Variants in COL25A1 observed in about 807,000 individuals in gnomAD.
COL25A1 encodes collagen alpha-1(XXV) chain.
Under a neutral mutation model 128.4 loss-of-function variants are expected in COL25A1, and 103 were observed. The observed-to-expected ratio is 0.80, with a 90% CI of 0.68 to 0.94. The LOEUF (loss-of-function observed/expected upper bound fraction) is 0.94. Ranked by LOEUF, COL25A1 falls within the 40% of genes least tolerant of loss-of-function variation. The pLI, the probability that COL25A1 is intolerant of heterozygous loss-of-function variation, is 0.00. For synonymous variants in COL25A1, 279 were observed against 277.2 expected, an observed-to-expected ratio of 1.01 and a Z score of -0.06; for missense variants, 745 against 840.0, an observed-to-expected ratio of 0.89 and a Z score of 1.40.
intron 3 of COL25A1, among the ~76,000 whole-genome samples, chr4:109,278,782 T>G (rs963183946): frequency 6.6e-6 from 1 of 152,250 alleles, no homozygotes; most frequent in African/African-American, 2.4e-5. Context: ...AAGAAAAGCT[T>G]CTTAGTCCTT....
intron 3 of COL25A1, among the ~76,000 whole-genome samples, chr4:109,290,258 AC>A (rs770029840): frequency 1.3e-5 from 2 of 152,042 alleles, no homozygotes; most frequent in Non-Finnish European, 2.9e-5. Flanking sequence ...AAATAAATGA[AC>A]CTTTTTTTTA....
chr4:109,131,513 A>G (rs1473546714), intron 3 of COL25A1, among the ~76,000 whole-genome samples: 2 of 152,202 alleles, frequency 1.3e-5, no homozygotes, highest in East Asian at 1.9e-4. Flanking sequence ...TTAACACCAC[A>G]TATTTCATAG....
intron 32 of COL25A1, among the ~76,000 whole-genome samples, chr4:108,830,078 A>G (rs1489408715): frequency 6.6e-6 from 1 of 152,228 alleles, no homozygotes; most frequent in Admixed American, 6.5e-5. Flanking sequence ...AGCCATTTTG[A>G]ATTTGTCACT....
intron 3 of COL25A1, among the ~76,000 whole-genome samples, chr4:109,293,672 A>G (rs1308693035): frequency 6.6e-6 from 1 of 152,178 alleles, no homozygotes; most frequent in Non-Finnish European, 1.5e-5. Flanking sequence ...CTTGGTATTC[A>G]TGACAAATAA....
At chr4:109,290,847 T>C (rs1233872514) in intron 3 of COL25A1, among the ~76,000 whole-genome samples, 4 of 152,146 alleles carry the variant, frequency 2.6e-5, no homozygotes, top group African/African-American at 9.7e-5. Context: ...CTGGGCCACA[T>C]GCAGCCTGCA....
At position 108,813,839 on chromosome 4, in the gene COL25A1, C is replaced by A. The variant is rs879862015; in HGVS notation, c.*88G>T. The A allele has an allele frequency of 8.8e-6, 9 of 1,026,204 alleles. No individual in the cohort carries two copies. The highest frequency in any genetic ancestry group is 1.0e-5 in the Non-Finnish European group (7 of 666,934). 63.6% of individuals were successfully genotyped at this position (1,026,204 alleles called of 1,614,324 possible). A position where few individuals can be genotyped will look rare whatever the true frequency, so the allele number is the denominator to read the frequency against. ...CAGCCCTATGTAAACATATCTCAGACTTGTAAAATCTGCAATTCAGTTTTC... is the reference window on the plus strand; with the variant it reads ...CAGCCCTATGTAAACATATCTCAGAATTGTAAAATCTGCAATTCAGTTTTC... On this transcript the variant is annotated 3_prime_UTR_variant, in exon 38 of 38. Transcript: ENST00000399132.
At chr4:108,997,751 C>A (rs1754917740) in intron 6 of COL25A1, among the ~76,000 whole-genome samples, 1 of 152,142 alleles carries the variant, frequency 6.6e-6, no homozygotes, top group African/African-American at 2.4e-5. Context: ...CAGAATTTAG[C>A]AGCACCTCAA....
At chr4:108,947,115 C>G (rs1748853923) in intron 8 of COL25A1, among the ~76,000 whole-genome samples, 1 of 151,990 alleles carries the variant, frequency 6.6e-6, no homozygotes, top group African/African-American at 2.4e-5. Flanking sequence ...CTGTGGACAG[C>G]CAAGGGACAG....
chr4:108,862,456 C>T (rs760930856), intron 22 of COL25A1, 45 bp downstream of exon 22: 11 of 1,458,068 alleles, frequency 7.5e-6, no homozygotes, highest in Non-Finnish European at 7.7e-6. Context: ...AAGCACAGAT[C>T]TTGAAGGCCT....
At chr4:109,137,451 G>A (rs954330968) in intron 3 of COL25A1, among the ~76,000 whole-genome samples, 12 of 151,964 alleles carry the variant, frequency 7.9e-5, no homozygotes, top group Non-Finnish European at 1.3e-4. Context: ...CACTGTAGAC[G>A]CTCCCCTCTC....
At chr4:109,036,794 A>G (rs1759404229) in intron 5 of COL25A1, among the ~76,000 whole-genome samples, 1 of 152,208 alleles carries the variant, frequency 6.6e-6, no homozygotes, top group Non-Finnish European at 1.5e-5. Context: ...AGGGTGATAA[A>G]TTATCCAGCA....
intron 3 of COL25A1, among the ~76,000 whole-genome samples, chr4:109,217,532 A>G (rs62324321): frequency 0.13 from 19,900 of 151,906 alleles, 1,612 homozygotes; most frequent in Middle Eastern, 0.19. Context: ...GAAACACTGA[A>G]GCTTTGAAAT....
At chr4:109,085,112 C>T (rs1333532804) in intron 3 of COL25A1, among the ~76,000 whole-genome samples, 1 of 152,120 alleles carries the variant, frequency 6.6e-6, no homozygotes, top group Non-Finnish European at 1.5e-5. Context: ...ATTGGTGTGC[C>T]TGTTCTCCAA....
chr4:109,206,880 C>T (rs1197216675), intron 3 of COL25A1, among the ~76,000 whole-genome samples: 1 of 152,146 alleles, frequency 6.6e-6, no homozygotes, highest in Admixed American at 6.6e-5. Flanking sequence ...ACATCAGCGA[C>T]CTCTGAGGAC....
chr4:108,996,616 G>A (rs773109319), intron 6 of COL25A1, among the ~76,000 whole-genome samples: 1 of 152,194 alleles, frequency 6.6e-6, no homozygotes, highest in African/African-American at 2.4e-5. Flanking sequence ...TCTGGATCAA[G>A]TAGACCTAAT....
chr4:108,961,213 T>C (rs760185181), intron 8 of COL25A1, among the ~76,000 whole-genome samples: 15 of 152,178 alleles, frequency 9.9e-5, no homozygotes, highest in Non-Finnish European at 1.8e-4. Flanking sequence ...TCTGTATTTA[T>C]GGACAACTCT....
At chr4:109,084,457 G>T (rs1173515809) in intron 3 of COL25A1, among the ~76,000 whole-genome samples, 5 of 152,178 alleles carry the variant, frequency 3.3e-5, no homozygotes, top group Non-Finnish European at 7.3e-5. Context: ...AAAGTAGAAA[G>T]AACACACTTT....
At position 108,819,269 on chromosome 4, in the gene COL25A1, C is replaced by A. The variant is rs1356879316; in HGVS notation, c.1906G>T (p.Asp636Tyr). Residue 636 changes from aspartate to tyrosine, a missense_variant, in exon 36 of 38, where the codon GAT becomes TAT. Physicochemically the swap from Asp to Tyr is radical, Grantham distance 160. Transcript: ENST00000399132. ...TACTGTACCAATTGGCAAGGGGCAT[C>A]CAGCCCATCCAGGCCAGGCTGGCCT... ...EPGQPGLDGL[D>Y]APCQLGPDGL... The A allele has an allele frequency of 1.9e-6, 3 of 1,610,906 alleles. No homozygotes were observed.
rs1352311597 is a variant in COL25A1 at position 108,990,231 on chromosome 4, AAAAAAAAAATATATATATATAT to A, written c.439-15694_439-15673del. On this transcript the variant is annotated intron_variant, in intron 6 of 37. Coordinates refer to ENST00000399132, the MANE Select transcript of COL25A1 (RefSeq NM_198721.4). ...CCATCTCAAAAAAAAAAAAAAAAAA[AAAAAAAAAATATATATATATAT>A]ATATATATATATATATATATCTCAA... 1.8e-4 allele frequency among the ~76,000 whole-genome samples: 12 copies of A among 66,652 alleles called. No individual in the cohort carries two copies. The South Asian group carries it at 1.9e-3, about 10-fold the overall frequency. 43.7% of individuals were successfully genotyped at this position (66,652 alleles called of 152,430 possible).
Sources: gnomAD v4.1 joint callset for allele counts (sites outside exome capture counted in the v4.1 genomes callset) on GRCh38, gnomAD v4.1.1 for gene constraint, MANE v1.5 for transcripts, NCBI Gene and HGNC (gene_info 2026-07-23, HGNC 2026-07-21) for gene names.